Variants in CTNNA1 observed in about 807,000 individuals in gnomAD.
The protein encoded by CTNNA1 is catenin alpha 1.
CTNNA1 carries 37 observed loss-of-function variants against 98.4 expected under a neutral mutation model. The observed-to-expected ratio is 0.38, with a 90% CI of 0.29 to 0.49. CTNNA1 has a LOEUF of 0.49. CTNNA1 is among the 20% of genes least tolerant of loss of function. The pLI is 0.95. For synonymous variants in CTNNA1, 404 were observed against 413.2 expected (o/e 0.98, Z 0.27); for missense variants, 761 against 1,147.2 (o/e 0.66, Z 4.86).
chr5:138,814,695 AT>A (rs1759233829), intron 5 of CTNNA1, among the ~76,000 whole-genome samples: 1 of 152,256 alleles, frequency 6.6e-6, no homozygotes, highest in African/African-American at 2.4e-5. Flanking sequence ...CAAAATAAAC[AT>A]TAAGATTGCC....
chr5:138,873,785 T>G lies in CTNNA1; in HGVS notation c.1063-12427T>G. On this transcript the variant is annotated intron_variant, in intron 7 of 17. Transcript: ENST00000302763. This position sits in a 1 kb window ranked among gnomAD's most constrained non-coding sequence, Gnocchi z 6.1. ...GGCTTTGATTTCATTTCCAGTCAGGTCTAGCTTTTCTAAAGTGCCCCAGGT... is the reference window on the plus strand; with the variant it reads ...GGCTTTGATTTCATTTCCAGTCAGGGCTAGCTTTTCTAAAGTGCCCCAGGT... The G allele has an allele frequency of 6.2e-7, 1 of 1,614,008 alleles. No homozygotes were observed. The highest frequency in any genetic ancestry group is 2.2e-5 in the East Asian group (1 of 44,896).
At chr5:138,811,523 G>A (rs1489468362) in intron 4 of CTNNA1, among the ~76,000 whole-genome samples, 5 of 150,236 alleles carry the variant, frequency 3.3e-5, no homozygotes, top group African/African-American at 1.2e-4. Flanking sequence ...GGTGGCGGCC[G>A]GGCAGAGGCT....
At chr5:138,840,222 G>A (rs1442266336) in intron 7 of CTNNA1, among the ~76,000 whole-genome samples, 1 of 152,194 alleles carries the variant, frequency 6.6e-6, no homozygotes, top group Non-Finnish European at 1.5e-5. Flanking sequence ...TGGATAGGTG[G>A]GGACCAAGGG....
intron 3 of CTNNA1, among the ~76,000 whole-genome samples, chr5:138,805,802 G>A (rs1219364045): frequency 6.6e-6 from 1 of 150,728 alleles, no homozygotes; most frequent in African/African-American, 2.4e-5. Flanking sequence ...CTGGATACTA[G>A]ATCCTTATAA....
chr5:138,781,540 G>A (rs1343691174), intron 1 of CTNNA1, among the ~76,000 whole-genome samples: 3 of 138,292 alleles, frequency 2.2e-5, no homozygotes, highest in African/African-American at 8.3e-5. Context: ...GGGCGAAAGA[G>A]CAAGACTCTG....
intron 3 of CTNNA1, among the ~76,000 whole-genome samples, chr5:138,800,147 C>T (rs1475392131): frequency 6.6e-6 from 1 of 152,074 alleles, no homozygotes; most frequent in Non-Finnish European, 1.5e-5. Context: ...CAGCAGACCA[C>T]TGTAAAAAAA....
chr5:138,904,423 A>G lies in CTNNA1; in HGVS notation c.1371A>G (p.Leu457=), dbSNP rs1758723459. ...VKLVRMSASQ[L]EALCPQVINA... ...TTGTTCGAATGTCTGCAAGCCAGTT[A>G]GAAGCCCTCTGTCCTCAGGTAAAGT... The change falls in exon 10 of 18, where the codon TTA becomes TTG. Residue 457 remains leucine (L), a synonymous_variant. Coordinates refer to ENST00000302763, the MANE Select transcript of CTNNA1 (RefSeq NM_001903.5). 1 of 1,614,146 alleles carries G rather than the reference A, an allele frequency of 6.2e-7. No homozygotes were observed. The highest frequency in any genetic ancestry group is 1.3e-5 in the African/African-American group (1 of 75,072).
rs547704941 is a variant in CTNNA1 at position 138,905,938 on chromosome 5, AGAAAT to A, written c.1389+1503_1389+1507del. ...AAAGGAGAGTAAGCAGAGGGACTGG[AGAAAT>A]GAAATAGAGGTCATAGGAATGAAGT... On this transcript the variant is annotated intron_variant, in intron 10 of 17. Coordinates refer to ENST00000302763, the MANE Select transcript of CTNNA1 (RefSeq NM_001903.5). Among the ~76,000 whole-genome samples the A allele has an allele frequency of 2.0e-5, 3 of 152,366 alleles. No homozygotes were observed. The South Asian group carries it at 6.2e-4, about 32-fold the overall frequency.
intron 7 of CTNNA1, among the ~76,000 whole-genome samples, chr5:138,877,500 T>G (rs1231437095): frequency 6.6e-6 from 1 of 150,620 alleles, no homozygotes; most frequent in Non-Finnish European, 1.5e-5. Flanking sequence ...GACTGCGGAC[T>G]GCAGTGGCGC....
chr5:138,882,841 T>C (rs1409345488), intron 7 of CTNNA1, among the ~76,000 whole-genome samples: 1 of 152,232 alleles, frequency 6.6e-6, no homozygotes, highest in African/African-American at 2.4e-5. Flanking sequence ...TGTTTGTTTG[T>C]TTTTTGAGAC....
chr5:138,795,151 C>CAAA (rs35532090), intron 3 of CTNNA1, among the ~76,000 whole-genome samples: 30 of 81,668 alleles, frequency 3.7e-4, no homozygotes, highest in African/African-American at 9.2e-4. Context: ...GTGAGACTCT[C>CAAA]AAAAAAAAAA....
At chr5:138,757,362 A>G (rs532215357) in intron 1 of CTNNA1, among the ~76,000 whole-genome samples, 1 of 152,258 alleles carries the variant, frequency 6.6e-6, no homozygotes, top group South Asian at 2.1e-4. Flanking sequence ...TCGTGAATAT[A>G]TGTAATGCCG....
chr5:138,822,915 C>T (rs781696588), intron 5 of CTNNA1, among the ~76,000 whole-genome samples: 1 of 152,156 alleles, frequency 6.6e-6, no homozygotes, highest in African/African-American at 2.4e-5. Flanking sequence ...AGGAACTCAT[C>T]TAGAAAGATG....
intron 7 of CTNNA1, chr5:138,872,447 G>A (rs1025598985): frequency 6.6e-6 from 1 of 152,406 alleles, no homozygotes; most frequent in African/African-American, 2.4e-5. Flanking sequence ...ACTAACCCAG[G>A]CAGAAACTCT....
intron 8 of CTNNA1, among the ~76,000 whole-genome samples, chr5:138,886,827 A>G (rs1754147624): frequency 6.6e-6 from 1 of 152,150 alleles, no homozygotes; most frequent in Non-Finnish European, 1.5e-5. Flanking sequence ...TTTGGAGTCA[A>G]ATTGAGTTTT....
chr5:138,825,481 A>ATTTTTTTTTTTTTTTTTTT (rs1561565679), intron 6 of CTNNA1, among the ~76,000 whole-genome samples: 3 of 21,334 alleles, frequency 1.4e-4, no homozygotes, highest in African/African-American at 7.0e-4. Context: ...CAGCAGTATA[A>ATTTTTTTTTTTTTTTTTTT]GTTTTTTTTT....
In CTNNA1 at chr5:138,887,305, C is replaced by G. The variant is rs10515504; in HGVS notation, c.1144-185C>G. Among the ~76,000 whole-genome samples the G allele has an allele frequency of 0.3, 45,009 of 151,904 alleles. 6,733 individuals carry two copies. The highest frequency in any genetic ancestry group is 0.33 in the African/African-American group (13,644 of 41,424). ...TAACTGTAGTAATGTAAACCATTGT[C>G]TCCATGATCATGTTTCCTGTGTTGT... On this transcript the variant is annotated intron_variant, in intron 8 of 17. Coordinates refer to ENST00000302763, the MANE Select transcript of CTNNA1 (RefSeq NM_001903.5).
At chr5:138,923,552 TCTCA>T (rs1763360191) in intron 11 of CTNNA1, among the ~76,000 whole-genome samples, 1 of 152,096 alleles carries the variant, frequency 6.6e-6, no homozygotes, top group Non-Finnish European at 1.5e-5. Flanking sequence ...TGAGACAGAG[TCTCA>T]CTCTGTTGCC....
chr5:138,763,314 G>A (rs1330452998), intron 1 of CTNNA1, among the ~76,000 whole-genome samples: 1 of 152,208 alleles, frequency 6.6e-6, no homozygotes, highest in African/African-American at 2.4e-5. Context: ...CATTTGCCCT[G>A]TGCGGCTCTG....
Sources: gnomAD v4.1 joint callset for allele counts (sites outside exome capture counted in the v4.1 genomes callset) on GRCh38, gnomAD v4.1.1 for gene constraint, Gnocchi (gnomAD v3.1) non-coding constraint, MANE v1.5 for transcripts, NCBI Gene and HGNC (gene_info 2026-07-23, HGNC 2026-07-21) for gene names.